The following SH3RF3 variants were observed in gnomAD, a reference collection of about 807,000 sequenced individuals.
SH3RF3 encodes the protein E3 ubiquitin-protein ligase SH3RF3.
Under a neutral mutation model 66.3 loss-of-function variants are expected in SH3RF3, and 29 were observed. That is an observed-to-expected ratio of 0.44 (90% CI 0.33 to 0.60). The LOEUF (loss-of-function observed/expected upper bound fraction) is 0.60. SH3RF3 is among the 20% of genes least tolerant of loss of function. SH3RF3 has a pLI of 0.04. For synonymous variants in SH3RF3, 583 were observed against 532.0 expected (o/e 1.10, Z -1.32); for missense variants, 1,194 against 1,190.9 (o/e 1.00, Z -0.04).
chr2:109,501,413 CA>C (rs1321633717), intron 9 of SH3RF3, 89 bp from the exon 10 acceptor site: 1 of 600,240 alleles, frequency 1.7e-6, no homozygotes, highest in Admixed American at 2.5e-5. Context: ...CAGCAAATAA[CA>C]ATAATTTACA....
intron 1 of SH3RF3, among the ~76,000 whole-genome samples, chr2:109,320,089 C>T (rs1681985445): frequency 6.6e-6 from 1 of 152,200 alleles, no homozygotes; most frequent in African/African-American, 2.4e-5. Context: ...ATGGTCCCTT[C>T]CTTAGGCCTG....
In SH3RF3 at chr2:109,501,846, C is replaced by T. The variant is rs1461225339; in HGVS notation, c.*175C>T. On this transcript the variant is annotated 3_prime_UTR_variant, in exon 10 of 10. Transcript: ENST00000309415. ...GGACTGTGGAGGTCGTGCCTTCTCC[C>T]AAAACCCCCAAACGGAGAGCACACC... 1 of 585,046 alleles carries T rather than the reference C, an allele frequency of 1.7e-6. No individual in the cohort carries two copies. Among genetic ancestry groups the T allele is most frequent in the African/African-American group, 1.9e-5 (1 of 53,780 alleles). 36.2% of individuals were successfully genotyped at this position (585,046 alleles called of 1,614,324 possible). A position where few individuals can be genotyped will look rare whatever the true frequency, so the allele number is the denominator to read the frequency against.
At chr2:109,428,908 C>A (rs941512633) in intron 5 of SH3RF3, among the ~76,000 whole-genome samples, 5 of 152,158 alleles carry the variant, frequency 3.3e-5, no homozygotes, top group Admixed American at 3.3e-4. Context: ...CTGCCCGGTT[C>A]TCCCTGCCAT....
chr2:109,374,859 C>T (rs77263834), intron 3 of SH3RF3, among the ~76,000 whole-genome samples: 6 of 152,310 alleles, frequency 3.9e-5, no homozygotes, highest in Non-Finnish European at 8.8e-5. Flanking sequence ...CCCATCAGCG[C>T]AGCTCAGGCC....
chr2:109,347,604 CCCGGCAGATCCACTGT>C, intron 1 of SH3RF3, 54 bp from the exon 2 acceptor site: 3 of 1,553,022 alleles, frequency 1.9e-6, no homozygotes, highest in Non-Finnish European at 2.6e-6. Context: ...CCCGGCCTGC[CCCGGCAGATCCACTGT>C]GGGGCATTGG....
Position 109,371,670 on chromosome 2 carries a change from C to A in SH3RF3, c.934C>A (p.Leu312Met). The A allele has an allele frequency of 6.2e-7, 1 of 1,613,786 alleles. No homozygotes were observed. Among genetic ancestry groups the A allele is most frequent in the Non-Finnish European group, 8.5e-7 (1 of 1,179,806 alleles). The change falls in exon 3 of 10, where the codon CTG (leucine) becomes ATG (methionine). Residue 312 changes from leucine to methionine, a missense_variant. By Grantham distance (15) the Leu-to-Met change is conservative (BLOSUM62 2). Coordinates refer to ENST00000309415, the MANE Select transcript of SH3RF3 (RefSeq NM_001099289.3). ...LGDKIGIFPL[L>M]YVELNDSAKQ... The stretch of plus-strand genomic sequence containing the variant: ...AGACAAGATCGGGATCTTCCCGCTC[C>A]TGTACGTGGAGGTAAGACCGTGCCG...
rs139592053 is a variant in SH3RF3 at position 109,483,469 on chromosome 2, C to T, written c.2149-7136C>T. ...CTCCCTTCTCTGAGCCAGGCCTCCCCGCAAGACCTTGGCACCTTCCGCCTG... is the reference window on the plus strand; with the variant it reads ...CTCCCTTCTCTGAGCCAGGCCTCCCTGCAAGACCTTGGCACCTTCCGCCTG... On this transcript the variant is annotated intron_variant, in intron 8 of 9. Coordinates refer to ENST00000309415, the MANE Select transcript of SH3RF3 (RefSeq NM_001099289.3). 5.4e-3 allele frequency among the ~76,000 whole-genome samples: 821 copies of T among 152,284 alleles called. 5 individuals carry two copies. The highest frequency in any genetic ancestry group is 9.5e-3 in the Non-Finnish European group (648 of 68,022).
At chr2:109,258,758 A>G (rs1680281464) in intron 1 of SH3RF3, among the ~76,000 whole-genome samples, 1 of 152,240 alleles carries the variant, frequency 6.6e-6, no homozygotes, top group South Asian at 2.1e-4. Flanking sequence ...CTTTGAAGAC[A>G]GTGGCCTGCA....
intron 8 of SH3RF3, among the ~76,000 whole-genome samples, chr2:109,482,901 ATT>A (rs1678872940): frequency 6.6e-6 from 1 of 152,090 alleles, no homozygotes; most frequent in Non-Finnish European, 1.5e-5. Context: ...TCATGAACCA[ATT>A]TTCTTTATCT....
rs1054388951 is a variant in SH3RF3 at position 109,227,879 on chromosome 2, G to A, written c.573+97766G>A. ...CGCTCCGCCTTTCATCGGTTTGTCT[G>A]CAACTGCAGTTCCCTGTAGGCTTCA... is the stretch of plus-strand genomic sequence containing the variant. On this transcript the variant is annotated intron_variant, in intron 1 of 9. Transcript: ENST00000309415. Among the ~76,000 whole-genome samples, 7 of 152,208 alleles carry A rather than the reference G, an allele frequency of 4.6e-5. 1 individual carries two copies. Among genetic ancestry groups the A allele is most frequent in the Admixed American group, 2.6e-4 (4 of 15,284 alleles).
At chr2:109,442,203 C>T (rs960535449) in intron 7 of SH3RF3, among the ~76,000 whole-genome samples, 1 of 151,268 alleles carries the variant, frequency 6.6e-6, no homozygotes, top group African/African-American at 2.4e-5. Context: ...CCCAGCTGCT[C>T]AGGAGGCTGA....
chr2:109,403,925 C>T (rs929989863), intron 4 of SH3RF3, among the ~76,000 whole-genome samples: 2 of 152,304 alleles, frequency 1.3e-5, no homozygotes, highest in Middle Eastern at 3.4e-3. Context: ...GGCGTGCGTG[C>T]GGGCTGCCCT....
At chr2:109,371,060 A>G (rs989784786) in intron 2 of SH3RF3, among the ~76,000 whole-genome samples, 4 of 152,158 alleles carry the variant, frequency 2.6e-5, no homozygotes, top group Non-Finnish European at 5.9e-5. Context: ...AGGCTTTCCC[A>G]TATGGGGCTC....
chr2:109,417,025 G>GTCA (rs748508743), intron 4 of SH3RF3, among the ~76,000 whole-genome samples: 9 of 152,184 alleles, frequency 5.9e-5, no homozygotes, highest in Non-Finnish European at 1.3e-4. Flanking sequence ...CGACTGCCAG[G>GTCA]TCATCGAGTG....
chr2:109,282,527 A>T (rs1680920097), intron 1 of SH3RF3, among the ~76,000 whole-genome samples: 1 of 151,902 alleles, frequency 6.6e-6, no homozygotes, highest in Non-Finnish European at 1.5e-5. Flanking sequence ...AGGACAGGGG[A>T]GGGGTGGTAC....
intron 2 of SH3RF3, among the ~76,000 whole-genome samples, chr2:109,367,428 C>T (rs1015456955): frequency 3.3e-5 from 5 of 152,090 alleles, no homozygotes; most frequent in African/African-American, 1.2e-4. Flanking sequence ...ACTACAGGCA[C>T]ACGGCCTCAT....
At chr2:109,260,463 C>T (rs541259214) in intron 1 of SH3RF3, among the ~76,000 whole-genome samples, 4 of 152,332 alleles carry the variant, frequency 2.6e-5, no homozygotes, top group African/African-American at 4.8e-5. Context: ...CATCTGCCTC[C>T]CAGTGGCTGT....
chr2:109,157,588 A>G (rs1677377515), intron 1 of SH3RF3, among the ~76,000 whole-genome samples: 1 of 152,188 alleles, frequency 6.6e-6, no homozygotes, highest in South Asian at 2.1e-4. Flanking sequence ...TTGTTAAAAG[A>G]AGGAGATTGG....
At chr2:109,170,654 A>G (rs1677758941) in intron 1 of SH3RF3, among the ~76,000 whole-genome samples, 1 of 152,146 alleles carries the variant, frequency 6.6e-6, no homozygotes, top group Non-Finnish European at 1.5e-5. Flanking sequence ...CTGGTCAAAC[A>G]GAATATTTCC....
Sources: gnomAD v4.1 joint callset for allele counts (sites outside exome capture counted in the v4.1 genomes callset) on GRCh38, gnomAD v4.1.1 for gene constraint, MANE v1.5 for transcripts, NCBI Gene and HGNC (gene_info 2026-07-23, HGNC 2026-07-21) for gene names.